Variants in SLC6A6 observed in about 807,000 individuals in gnomAD.
SLC6A6 encodes solute carrier family 6 member 6, also known as sodium- and chloride-dependent taurine transporter.
Under a neutral mutation model 68.8 loss-of-function variants are expected in SLC6A6, and 16 were observed. That is an observed-to-expected ratio of 0.23 (90% confidence interval 0.16 to 0.35). The LOEUF (loss-of-function observed/expected upper bound fraction) is 0.35. Among genes scored for constraint, SLC6A6 ranks in the 10% least tolerant of loss-of-function variants. SLC6A6 has a pLI of 1.00. For synonymous variants in SLC6A6, 312 were observed against 315.4 expected (o/e 0.99, Z 0.12); for missense variants, 474 against 802.8 (o/e 0.59, Z 4.95).
rs1423648366 is a variant in SLC6A6, at chr3:14,477,795, G to C, written c.1347+453G>C. ...GACCGAGTCCTGGTGGGTATGGGTT[G>C]ATAGGGGGCACATACACTATTCAGA... On this transcript the variant is annotated intron_variant, in intron 11 of 14. Coordinates refer to ENST00000622186, the MANE Select transcript of SLC6A6 (RefSeq NM_003043.6). This position sits in a 1 kb window ranked among gnomAD's most constrained non-coding sequence, Gnocchi z 4.2. Among the ~76,000 whole-genome samples the C allele has an allele frequency of 6.6e-6, 1 of 152,182 alleles. No homozygotes were observed. Among genetic ancestry groups the C allele is most frequent in the Non-Finnish European group, 1.5e-5 (1 of 68,028 alleles).
intron 13 of SLC6A6, among the ~76,000 whole-genome samples, chr3:14,479,606 A>G (rs928903017): frequency 6.6e-6 from 1 of 152,160 alleles, no homozygotes; most frequent in Non-Finnish European, 1.5e-5. Flanking sequence ...GAGAGGTCAT[A>G]GACATTGGAA....
chr3:14,422,810 G>A (rs909844395), intron 2 of SLC6A6, among the ~76,000 whole-genome samples: 2 of 152,202 alleles, frequency 1.3e-5, no homozygotes, highest in Non-Finnish European at 2.9e-5. Context: ...TACCTCCTTT[G>A]CTACCTCTGT....
intron 2 of SLC6A6, among the ~76,000 whole-genome samples, chr3:14,440,398 AG>A (rs1297672951): frequency 1.3e-5 from 2 of 152,038 alleles, no homozygotes; most frequent in African/African-American, 4.8e-5. Context: ...GAGCCTGAGC[AG>A]TAGGAGGGAC....
Position 14,487,989 on chromosome 3 carries a change from C to T in SLC6A6, c.*2982C>T, listed in dbSNP as rs918961785. 1 of 152,708 alleles carries T rather than the reference C, an allele frequency of 6.5e-6. No individual in the cohort carries two copies. Among genetic ancestry groups the T allele is most frequent in the African/African-American group, 2.4e-5 (1 of 41,440 alleles). The allele number at this position is 152,708 out of a possible 1,614,324, so 9.5% of individuals were successfully genotyped here. On this transcript the variant is annotated 3_prime_UTR_variant, in exon 15 of 15. Coordinates refer to ENST00000622186, the MANE Select transcript of SLC6A6 (RefSeq NM_003043.6). ...ACCATCCTCACAGAATTCCTGGACCCATGCGGTGGCTCCGTGAGCTGGGTG... is the reference window on the plus strand; with the variant it reads ...ACCATCCTCACAGAATTCCTGGACCTATGCGGTGGCTCCGTGAGCTGGGTG...
chr3:14,443,537 C>G (rs914096639), intron 2 of SLC6A6, 87 bp from the exon 3 acceptor site: 28 of 970,610 alleles, frequency 2.9e-5, no homozygotes, highest in Non-Finnish European at 4.3e-5. Context: ...TGGGAGCCGG[C>G]TCGTGGATGA....
At chr3:14,428,528 A>G (rs1339915982) in intron 2 of SLC6A6, among the ~76,000 whole-genome samples, 1 of 152,220 alleles carries the variant, frequency 6.6e-6, no homozygotes, top group East Asian at 1.9e-4. Context: ...CAACTTAGGT[A>G]CTGTTATTAC....
chr3:14,437,445 A>G (rs1374559841), intron 2 of SLC6A6, among the ~76,000 whole-genome samples: 2 of 152,106 alleles, frequency 1.3e-5, no homozygotes, highest in Non-Finnish European at 1.5e-5. Context: ...TTTTGTAAAG[A>G]TGGGGTTTTG....
At chr3:14,443,329 C>T (rs551679951) in intron 2 of SLC6A6, among the ~76,000 whole-genome samples, 209 of 152,250 alleles carry the variant, frequency 1.4e-3, no homozygotes, top group Middle Eastern at 3.4e-3. Context: ...GACACCCAGA[C>T]GACAAACCTG....
chr3:14,447,601 T>A lies in SLC6A6; in HGVS notation c.384T>A (p.Val128=). ...CTGCAGGTATCGGCTATGCCTCCGT[T>A]GTAATTGTGTCCCTCCTGAATGTCT... The part of the protein sequence containing the change: ...PLFSGIGYAS[V]VIVSLLNVYY... Residue 128 remains valine (V), a synonymous_variant, in exon 5 of 15, where the codon GTT becomes GTA. Transcript: ENST00000622186. The A allele has an allele frequency of 6.2e-7, 1 of 1,614,254 alleles. No individual in the cohort carries two copies. The highest frequency in any genetic ancestry group is 1.1e-5 in the South Asian group (1 of 91,092).
rs1444894573 is a variant in SLC6A6, at chr3:14,486,656, C to G, written c.*1649C>G. 6.5e-6 allele frequency: 1 copy of G among 152,712 alleles called. No homozygotes were observed. Among genetic ancestry groups the G allele is most frequent in the East Asian group, 1.9e-4 (1 of 5,196 alleles). 9.5% of individuals were successfully genotyped at this position (152,712 alleles called of 1,614,324 possible). A position where few individuals can be genotyped will look rare whatever the true frequency, so the allele number is the denominator to read the frequency against. ...TTGAACAGTCACTTCCAAGCTCAGT[C>G]TAAATGAAACCGAAACGTGACCACG... On this transcript the variant is annotated 3_prime_UTR_variant, in exon 15 of 15. Coordinates refer to ENST00000622186, the MANE Select transcript of SLC6A6 (RefSeq NM_003043.6).
At chr3:14,464,632 G>A (rs141831305) in intron 6 of SLC6A6, among the ~76,000 whole-genome samples, 10 of 152,284 alleles carry the variant, frequency 6.6e-5, no homozygotes, top group Middle Eastern at 3.4e-3. Context: ...TTGCTCTGTC[G>A]AGGGTCGTGG....
intron 4 of SLC6A6, among the ~76,000 whole-genome samples, chr3:14,447,362 C>T (rs1338157757): frequency 6.6e-6 from 1 of 152,120 alleles, no homozygotes; most frequent in East Asian, 1.9e-4. Context: ...TGTTCTATCC[C>T]CCCTGCCCCC....
Position 14,402,961 on chromosome 3 carries a change from C to G in SLC6A6, c.-54+114C>G. 1 of 382,092 alleles carries G rather than the reference C, an allele frequency of 2.6e-6. No individual in the cohort carries two copies. 23.7% of individuals were successfully genotyped at this position (382,092 alleles called of 1,614,324 possible). ...CTCCTCCCCTCCGCGTGCGCCCATC[C>G]GGCGCCCCTTTCACCACCGCGGAAG... On this transcript the variant is annotated intron_variant, in intron 1 of 14. Transcript: ENST00000622186. The surrounding 1 kb of genome is among the most constrained non-coding windows in gnomAD (Gnocchi z 4.8).
intron 14 of SLC6A6, among the ~76,000 whole-genome samples, chr3:14,483,978 T>C (rs1466830669): frequency 6.6e-6 from 1 of 152,172 alleles, no homozygotes; most frequent in Non-Finnish European, 1.5e-5. Context: ...TTAAATGAAA[T>C]ACTGTAGCTT....
intron 2 of SLC6A6, among the ~76,000 whole-genome samples, chr3:14,436,531 C>CTTTTTTTTTTTTTTTTT (rs58996264): frequency 4.4e-5 from 5 of 112,460 alleles, no homozygotes; most frequent in Non-Finnish European, 9.2e-5. Context: ...CAACAACTCC[C>CTTTTTTTTTTTTTTTTT]TTTTTTTTTT....
chr3:14,480,983 C>T (rs972432238), intron 13 of SLC6A6, among the ~76,000 whole-genome samples: 2 of 152,220 alleles, frequency 1.3e-5, no homozygotes, highest in Non-Finnish European at 2.9e-5. Flanking sequence ...GCTGGTGGCT[C>T]AGAGATAGAC....
At chr3:14,428,766 C>T (rs1471916802) in intron 2 of SLC6A6, among the ~76,000 whole-genome samples, 1 of 152,168 alleles carries the variant, frequency 6.6e-6, no homozygotes, top group African/African-American at 2.4e-5. Context: ...TCACCAGAGC[C>T]TCCGCTGGCC....
chr3:14,463,158 A>G (rs927822013), intron 6 of SLC6A6, among the ~76,000 whole-genome samples: 5 of 152,146 alleles, frequency 3.3e-5, no homozygotes, highest in African/African-American at 7.2e-5. Context: ...CACACATCCC[A>G]AAGGTGTGGG....
At chr3:14,448,087 T>C (rs1462719530) in intron 5 of SLC6A6, 1 of 1,181,004 alleles carries the variant, frequency 8.5e-7, no homozygotes, top group Non-Finnish European at 1.1e-6. Context: ...GAATCATTAC[T>C]ACCCTGTGAG....
Sources: gnomAD v4.1 joint callset for allele counts (sites outside exome capture counted in the v4.1 genomes callset) on GRCh38, gnomAD v4.1.1 for gene constraint, Gnocchi (gnomAD v3.1) non-coding constraint, MANE v1.5 for transcripts, NCBI Gene and HGNC (gene_info 2026-07-23, HGNC 2026-07-21) for gene names.